Variants in GREB1 observed in about 807,000 individuals in gnomAD.
The protein encoded by GREB1 is growth regulating estrogen receptor binding 1, also known as protein GREB1.
GREB1 carries 106 observed loss-of-function variants against 200.7 expected under a neutral mutation model. That is an observed-to-expected ratio of 0.53 (90% confidence interval 0.45 to 0.62). The LOEUF is 0.62. Ranked by LOEUF, GREB1 falls within the 20% of genes least tolerant of loss-of-function variation. GREB1 has a pLI of 0.00. For synonymous variants in GREB1, 1,132 were observed against 1,092.4 expected (o/e 1.04, Z -0.72); for missense variants, 2,243 against 2,556.8 (o/e 0.88, Z 2.65).
intron 1 of GREB1, among the ~76,000 whole-genome samples, chr2:11,508,918 A>G (rs1673263543): frequency 7.4e-6 from 1 of 134,614 alleles, no homozygotes; most frequent in African/African-American, 2.9e-5. Flanking sequence ...TCTGTCGCCC[A>G]GGCTGGAGTG....
intron 3 of GREB1, among the ~76,000 whole-genome samples, chr2:11,566,208 G>C (rs1224463615): frequency 6.6e-6 from 1 of 152,098 alleles, no homozygotes; most frequent in Admixed American, 6.5e-5. Flanking sequence ...TAGTAGATGG[G>C]GTTTCACTAC....
At position 11,640,641 on chromosome 2, in the gene GREB1, T is replaced by TG. The variant is rs1213804837; in HGVS notation, c.*190dup. On this transcript the variant is annotated 3_prime_UTR_variant, in exon 33 of 33. Transcript: ENST00000381486. The surrounding 1 kb of genome is among the most constrained non-coding windows in gnomAD (Gnocchi z 4.6). ...CCTGGGAGCCAGGAAGACTCCGCAG[T>TG]GGGTGAGAATGAAAACTTGAGACTC... The TG allele has an allele frequency of 4.9e-6, 3 of 607,230 alleles. No individual in the cohort carries two copies. The highest frequency in any genetic ancestry group is 8.4e-6 in the Non-Finnish European group (3 of 356,232). 37.6% of individuals were successfully genotyped at this position (607,230 alleles called of 1,614,324 possible). A position where few individuals can be genotyped will look rare whatever the true frequency, so the allele number is the denominator to read the frequency against.
At chr2:11,579,081 G>A (rs941740092) in intron 6 of GREB1, among the ~76,000 whole-genome samples, 3 of 152,250 alleles carry the variant, frequency 2.0e-5, no homozygotes, top group African/African-American at 4.8e-5. Flanking sequence ...ACGCAGGAAG[G>A]TCGCTGGTTG....
At chr2:11,500,568 G>C (rs1673008991) in intron 1 of GREB1, among the ~76,000 whole-genome samples, 1 of 152,098 alleles carries the variant, frequency 6.6e-6, no homozygotes, top group South Asian at 2.1e-4. Context: ...CATCCCAGCT[G>C]GGATTACATG....
At position 11,612,704 on chromosome 2, in the gene GREB1, G is replaced by A. The variant is rs933314345; in HGVS notation, c.3122+94G>A. Reference sequence around the variant, plus strand: ...GTCAGGGGGGCTGCTGTGCCCTGACGGTAGGCAGCACCACTCACATTCACA... The same window carrying A: ...GTCAGGGGGGCTGCTGTGCCCTGACAGTAGGCAGCACCACTCACATTCACA... On this transcript the variant is annotated intron_variant, in intron 19 of 32. Coordinates refer to ENST00000381486, the MANE Select transcript of GREB1 (RefSeq NM_014668.4). 3.6e-5 allele frequency: 27 copies of A among 758,570 alleles called. No homozygotes were observed. In the East Asian group the frequency reaches 3.9e-4, roughly 11 times the overall value. 47.0% of individuals were successfully genotyped at this position (758,570 alleles called of 1,614,324 possible).
intron 2 of GREB1, among the ~76,000 whole-genome samples, chr2:11,560,573 T>C (rs926808461): frequency 3.3e-5 from 5 of 152,026 alleles, no homozygotes; most frequent in Non-Finnish European, 5.9e-5. Flanking sequence ...TAATGGTAGG[T>C]GCCTGTAATT....
intron 2 of GREB1, among the ~76,000 whole-genome samples, chr2:11,559,304 C>T (rs1015036794): frequency 2.0e-5 from 3 of 152,200 alleles, no homozygotes; most frequent in South Asian, 4.1e-4. Context: ...AGTCTGCTCC[C>T]GGGCAGGAAT....
At position 11,634,489 on chromosome 2, in the gene GREB1, T is replaced by G. The variant is rs191630658; in HGVS notation, c.5210+140T>G. ...CTCTCCGTTGTCCCAGTTTTTTTAG[T>G]GCTGAATAATTTTGAGTATTCGCAG... On this transcript the variant is annotated intron_variant, in intron 29 of 32. Transcript: ENST00000381486. The G allele has an allele frequency of 9.5e-6, 6 of 632,982 alleles. No homozygotes were observed. The Admixed American group carries it at 1.4e-4, about 15-fold the overall frequency. 39.2% of individuals were successfully genotyped at this position (632,982 alleles called of 1,614,324 possible). A position where few individuals can be genotyped will look rare whatever the true frequency, so the allele number is the denominator to read the frequency against.
At position 11,598,965 on chromosome 2, in the gene GREB1, T is replaced by C. The variant is rs1681514732; in HGVS notation, c.2333+105T>C. ...GTACAAATCCTGAAAAGATGGATGATGTTTGGGCTTGGTGTTTCTAAGCAG... is the reference window on the plus strand; with the variant it reads ...GTACAAATCCTGAAAAGATGGATGACGTTTGGGCTTGGTGTTTCTAAGCAG... On this transcript the variant is annotated intron_variant, in intron 15 of 32. Coordinates refer to ENST00000381486, the MANE Select transcript of GREB1 (RefSeq NM_014668.4). 9.4e-6 allele frequency: 9 copies of C among 954,390 alleles called. No homozygotes were observed. In the South Asian group the frequency reaches 1.1e-4, roughly 11 times the overall value. The allele number at this position is 954,390 out of a possible 1,614,324, so 59.1% of individuals were successfully genotyped here. A position where few individuals can be genotyped will look rare whatever the true frequency, so the allele number is the denominator to read the frequency against.
rs1163567470 is a variant in GREB1, at chr2:11,582,453, T to C, written c.901+1621T>C. The stretch of plus-strand genomic sequence containing the variant: ...TGGCCCCATCCTCCTGTCTCCATGC[T>C]CTGTGCCTGCGTCCCGGCTCTGGGC... On this transcript the variant is annotated intron_variant, in intron 7 of 32. Transcript: ENST00000381486. Among the ~76,000 whole-genome samples the C allele has an allele frequency of 2.0e-5, 3 of 152,172 alleles. No individual in the cohort carries two copies. In the East Asian group the frequency reaches 5.8e-4, roughly 29 times the overall value.
chr2:11,538,304 G>T (rs943580502), intron 1 of GREB1, among the ~76,000 whole-genome samples: 1 of 152,182 alleles, frequency 6.6e-6, no homozygotes, highest in Non-Finnish European at 1.5e-5. Context: ...TGGGGACTGA[G>T]CCCAGGAACA....
intron 1 of GREB1, among the ~76,000 whole-genome samples, chr2:11,519,449 GTT>G (rs70955804): frequency 6.2e-4 from 48 of 77,004 alleles, no homozygotes; most frequent in African/African-American, 2.2e-3. Flanking sequence ...ACTTGTTTTG[GTT>G]TTTTTTTTTT....
intron 1 of GREB1, among the ~76,000 whole-genome samples, chr2:11,487,975 C>T (rs573304781): frequency 1.1e-3 from 169 of 152,192 alleles, no homozygotes; most frequent in Non-Finnish European, 2.1e-3. Context: ...GTTTTGACCT[C>T]GACAGAGGTG....
chr2:11,592,922 T>TG lies in GREB1; in HGVS notation c.1492_1493insG (p.Ser498CysfsTer107). ...GCCCAGCGCCGCGGCACCCGTGACC[T>TG]CCGCGCAGCTGCCCTGGCTGGCCAG... On this transcript the variant is annotated frameshift_variant, in exon 11 of 33. Transcript: ENST00000381486. LOFTEE classifies it high-confidence loss of function. 6.3e-7 allele frequency: 1 copy of TG among 1,584,002 alleles called. No individual in the cohort carries two copies. Among genetic ancestry groups the TG allele is most frequent in the Non-Finnish European group, 8.6e-7 (1 of 1,164,692 alleles).
At chr2:11,563,713 A>G (rs540879886) in intron 3 of GREB1, among the ~76,000 whole-genome samples, 1 of 152,286 alleles carries the variant, frequency 6.6e-6, no homozygotes, top group African/African-American at 2.4e-5. Context: ...CCCCTATACA[A>G]ATATTTCTGG....
intron 1 of GREB1, among the ~76,000 whole-genome samples, chr2:11,489,167 G>A (rs1274112819): frequency 6.6e-6 from 1 of 152,030 alleles, no homozygotes; most frequent in Non-Finnish European, 1.5e-5. Flanking sequence ...TTCTACTTTG[G>A]GCCGGCCGGG....
chr2:11,515,599 G>A (rs1330614657), intron 1 of GREB1, among the ~76,000 whole-genome samples: 1 of 152,114 alleles, frequency 6.6e-6, no homozygotes, highest in Non-Finnish European at 1.5e-5. Context: ...CCTGAGGGCG[G>A]GGGGAGGGCA....
At chr2:11,577,176 G>C (rs1465526142) in intron 5 of GREB1, among the ~76,000 whole-genome samples, 1 of 152,124 alleles carries the variant, frequency 6.6e-6, no homozygotes, top group South Asian at 2.1e-4. Context: ...CTCAACCATG[G>C]GTGACTTTTG....
At chr2:11,608,260 C>T (rs1314671805) in intron 17 of GREB1, among the ~76,000 whole-genome samples, 4 of 152,192 alleles carry the variant, frequency 2.6e-5, no homozygotes, top group African/African-American at 9.7e-5. Context: ...TTTATATCTT[C>T]ACTCAACAAG....
Sources: allele counts gnomAD v4.1 joint callset (sites outside exome capture counted in the v4.1 genomes callset), GRCh38; gene constraint gnomAD v4.1.1; non-coding constraint Gnocchi (gnomAD v3.1); transcripts MANE v1.5; gene names NCBI Gene and HGNC (gene_info 2026-07-23, HGNC 2026-07-21).